The following KRT12 variants were observed in gnomAD, a reference collection of about 807,000 sequenced individuals.
KRT12 encodes the protein keratin, type I cytoskeletal 12.
Under a neutral mutation model 50.2 loss-of-function variants are expected in KRT12, and 43 were observed. That is an observed-to-expected ratio of 0.86 (90% confidence interval 0.67 to 1.11). The LOEUF is 1.11. Among genes scored for constraint, KRT12 ranks in the 50% least tolerant of loss-of-function variants. The pLI, the probability that KRT12 is intolerant of heterozygous loss-of-function variation, is 0.00. For synonymous variants in KRT12, 257 were observed against 253.6 expected (o/e 1.01, Z -0.13); for missense variants, 588 against 625.6 (o/e 0.94, Z 0.64).
At chr17:40,866,593 C>G in intron 1 of KRT12, 27 bp downstream of exon 1, 2 of 1,597,922 alleles carry the variant, frequency 1.3e-6, no homozygotes, top group Non-Finnish European at 1.7e-6. Flanking sequence ...AAAAAAATTC[C>G]CAAAGCGCCT....
At position 40,863,849 on chromosome 17, in the gene KRT12, G is replaced by A. The variant is rs970668837; in HGVS notation, c.823C>T (p.Arg275Trp). 8 of 1,605,288 alleles carry A rather than the reference G, an allele frequency of 5.0e-6. No homozygotes were observed. Among genetic ancestry groups the A allele is most frequent in the South Asian group, 4.4e-5 (4 of 90,646 alleles). The change falls in exon 4 of 8, where the codon CGG (arginine) becomes TGG (tryptophan). Residue 275 changes from arginine (R) to tryptophan (W), a missense_variant. Arg to Trp is a moderately radical substitution (Grantham distance 101, BLOSUM62 -3). Coordinates refer to ENST00000251643, the MANE Select transcript of KRT12 (RefSeq NM_000223.4). The surrounding 1 kb of genome is among the most constrained non-coding windows in gnomAD (Gnocchi z 4.2). Reference protein sequence around the residue: ...KNHEDELQSFRVGGPGEVSVE... With the variant: ...KNHEDELQSFWVGGPGEVSVE... ...CTGACCTCGCCTGGGCCGCCCACCC[G>A]GAAGCTTTGGAGCTCCTGGGGACAG...
chr17:40,865,809 C>G (rs1906997169), intron 2 of KRT12, among the ~76,000 whole-genome samples: 1 of 152,036 alleles, frequency 6.6e-6, no homozygotes, highest in South Asian at 2.1e-4. Context: ...GCCTGGGTGA[C>G]AGAGCGAGAC....
intron 6 of KRT12, among the ~76,000 whole-genome samples, chr17:40,862,852 A>C (rs1196895906): frequency 1.3e-5 from 2 of 152,166 alleles, no homozygotes; most frequent in African/African-American, 4.8e-5. Flanking sequence ...AAATTGAGTA[A>C]GTGACTTTTA....
rs1343325424 is a variant in KRT12 at position 40,866,866 on chromosome 17, A to G, written c.321T>C (p.Gly107=). 1 of 1,614,062 alleles carries G rather than the reference A, an allele frequency of 6.2e-7. No homozygotes were observed. Among genetic ancestry groups the G allele is most frequent in the Non-Finnish European group, 8.5e-7 (1 of 1,180,004 alleles). ...TGCCCGAGAGAATACCTAGAGAGCCACCTCCTGGGCTGCCCCCAAATCCCA... is the reference window on the plus strand; with the variant it reads ...TGCCCGAGAGAATACCTAGAGAGCCGCCTCCTGGGCTGCCCCCAAATCCCA... ...LGMGFGGSPG[G]GSLGILSGND... Residue 107 remains glycine (G), a synonymous_variant, in exon 1 of 8, where the codon GGT becomes GGC. Coordinates refer to ENST00000251643, the MANE Select transcript of KRT12 (RefSeq NM_000223.4).
intron 1 of KRT12, 37 bp from the exon 2 acceptor site, chr17:40,866,274 C>T (rs2143268196): frequency 6.8e-7 from 1 of 1,465,144 alleles, no homozygotes; most frequent in Admixed American, 1.7e-5. Context: ...GATTGAAGCC[C>T]TAAAAGACTA....
intron 6 of KRT12, 65 bp from the exon 7 acceptor site, chr17:40,862,700 G>C: frequency 8.6e-7 from 1 of 1,162,826 alleles, no homozygotes; most frequent in Non-Finnish European, 1.3e-6. Context: ...GGAAGATCTG[G>C]TCTGAGAAAT....
Position 40,863,628 on chromosome 17 carries a change from G to C in KRT12, c.970-18C>G. ...TCCCCGCTCTGCAACAGCAAAGACAGCCAGGGGGCTCGAGCGCTGAGCTCG... is the reference window on the plus strand; with the variant it reads ...TCCCCGCTCTGCAACAGCAAAGACACCCAGGGGGCTCGAGCGCTGAGCTCG... On this transcript the variant is annotated intron_variant, in intron 4 of 7. Coordinates refer to ENST00000251643, the MANE Select transcript of KRT12 (RefSeq NM_000223.4). This position sits in a 1 kb window ranked among gnomAD's most constrained non-coding sequence, Gnocchi z 4.2. The C allele has an allele frequency of 6.2e-7, 1 of 1,614,234 alleles. No homozygotes were observed. Among genetic ancestry groups the C allele is most frequent in the Non-Finnish European group, 8.5e-7 (1 of 1,180,050 alleles).
Position 40,863,367 on chromosome 17 carries a change from T to C in KRT12, c.1096-24A>G. 6.2e-7 allele frequency: 1 copy of C among 1,613,372 alleles called. No homozygotes were observed. Among genetic ancestry groups the C allele is most frequent in the South Asian group, 1.1e-5 (1 of 91,020 alleles). On this transcript the variant is annotated intron_variant, in intron 5 of 7. Transcript: ENST00000251643. This position sits in a 1 kb window ranked among gnomAD's most constrained non-coding sequence, Gnocchi z 4.2. Reference sequence around the variant, plus strand: ...TTCTGCACGTGGGAGGGAAATGGCATAGAAATAACGATGGAGGGGACCGAA... The same window carrying C: ...TTCTGCACGTGGGAGGGAAATGGCACAGAAATAACGATGGAGGGGACCGAA...
At position 40,866,617 on chromosome 17, in the gene KRT12, T is replaced by G; in HGVS notation, c.567+3A>C. 2 of 1,613,282 alleles carry G rather than the reference T, an allele frequency of 1.2e-6. No homozygotes were observed. The highest frequency in any genetic ancestry group is 1.7e-6 in the Non-Finnish European group (2 of 1,179,284). Reference sequence around the variant, plus strand: ...CCCAAAGCGCCTCCAAAAGAGATCTTACCTTATTCCTGAGGTCTTCAATCA... The same window carrying G: ...CCCAAAGCGCCTCCAAAAGAGATCTGACCTTATTCCTGAGGTCTTCAATCA... On this transcript the variant is annotated splice_donor_region_variant and intron_variant, in intron 1 of 7. Transcript: ENST00000251643.
In KRT12 at chr17:40,863,191, C is replaced by T. The variant is rs768827325; in HGVS notation, c.1248G>A (p.Leu416=). 2.2e-5 allele frequency: 36 copies of T among 1,614,016 alleles called. No homozygotes were observed. The highest frequency in any genetic ancestry group is 2.1e-5 in the Non-Finnish European group (25 of 1,180,048). ...ERQNVDHQRL[L]NVKARLELEI... is the part of the protein sequence containing the mutation. ...CCAGCTCCAGGCGGGCCTTGACATT[C>T]AGCAGCCGCTGGTGGTCCACGTTCT... is the stretch of plus-strand genomic sequence containing the variant. Residue 416 remains leucine, a synonymous_variant, in exon 6 of 8, where the codon CTG becomes CTA. Transcript: ENST00000251643. This position sits in a 1 kb window ranked among gnomAD's most constrained non-coding sequence, Gnocchi z 4.2.
rs566739453 is a variant in KRT12, at chr17:40,864,594, A to C, written c.807+212T>G. 3.9e-5 allele frequency among the ~76,000 whole-genome samples: 6 copies of C among 152,170 alleles called. No homozygotes were observed. The East Asian group carries it at 1.2e-3, about 29-fold the overall frequency. ...TGCCTCAAATTTGTTGAGCCTTAGC[A>C]GGAACCACCATCACTACTACCAACA... is the stretch of plus-strand genomic sequence containing the variant. On this transcript the variant is annotated intron_variant, in intron 3 of 7. Coordinates refer to ENST00000251643, the MANE Select transcript of KRT12 (RefSeq NM_000223.4).
chr17:40,863,636 G>T lies in KRT12; in HGVS notation c.970-26C>A, dbSNP rs1906890523. ...CTGCAACAGCAAAGACAGCCAGGGGGCTCGAGCGCTGAGCTCGTTCGCAGG... is the reference window on the plus strand; with the variant it reads ...CTGCAACAGCAAAGACAGCCAGGGGTCTCGAGCGCTGAGCTCGTTCGCAGG... On this transcript the variant is annotated intron_variant, in intron 4 of 7. Transcript: ENST00000251643. The surrounding 1 kb of genome is among the most constrained non-coding windows in gnomAD (Gnocchi z 4.2). 6.2e-7 allele frequency: 1 copy of T among 1,614,216 alleles called. No homozygotes were observed.
chr17:40,863,593 C>T lies in KRT12; in HGVS notation c.987G>A (p.Lys329=), dbSNP rs1906888539. 4.3e-6 allele frequency: 7 copies of T among 1,614,252 alleles called. No individual in the cohort carries two copies. The highest frequency in any genetic ancestry group is 5.9e-6 in the Non-Finnish European group (7 of 1,180,048). The part of the protein sequence containing the change: ...WFIEKSGELR[K]EISTNTEQLQ... ...GCTGCTCGGTGTTGGTGCTAATCTC[C>T]TTACGGAGCTCCCCGCTCTGCAACA... Residue 329 remains lysine (K), a synonymous_variant, in exon 5 of 8, where the codon AAG becomes AAA. Coordinates refer to ENST00000251643, the MANE Select transcript of KRT12 (RefSeq NM_000223.4). The surrounding 1 kb of genome is among the most constrained non-coding windows in gnomAD (Gnocchi z 4.2).
intron 2 of KRT12, 25 bp from the exon 3 acceptor site, chr17:40,864,987 G>A (rs1906966235): frequency 6.2e-7 from 1 of 1,614,020 alleles, no homozygotes; most frequent in Non-Finnish European, 8.5e-7. Flanking sequence ...CAAAGCAGTT[G>A]AGGGAATCAA....
In KRT12 at chr17:40,861,751, G is replaced by A. The variant is rs564506411; in HGVS notation, c.1395C>T (p.Thr465=). ...AQSTDSSKDP[T]KTRKIKTVVQ... is the part of the protein sequence containing the mutation. ...CAACTGTCTTGATTTTTCGGGTTTT[G>A]GTTGGGTCTAAAGATAAAAATGGAA... Residue 465 remains threonine, a synonymous_variant, in exon 8 of 8, where the codon ACC becomes ACT. Coordinates refer to ENST00000251643, the MANE Select transcript of KRT12 (RefSeq NM_000223.4). 1.5e-4 allele frequency: 244 copies of A among 1,610,972 alleles called. 6 individuals carry two copies. The South Asian group carries it at 1.5e-3, about 10-fold the overall frequency.
Position 40,863,798 on chromosome 17 carries a change from C to T in KRT12, c.874G>A (p.Val292Met). 1 of 1,612,586 alleles carries T rather than the reference C, an allele frequency of 6.2e-7. No individual in the cohort carries two copies. The highest frequency in any genetic ancestry group is 1.1e-5 in the South Asian group (1 of 91,024). Residue 292 changes from valine (V) to methionine (M), a missense_variant, in exon 4 of 8, where the codon GTG (valine) becomes ATG (methionine). Physicochemically the swap from Val to Met is conservative, Grantham distance 21 (BLOSUM62 1). Coordinates refer to ENST00000251643, the MANE Select transcript of KRT12 (RefSeq NM_000223.4). The surrounding 1 kb of genome is among the most constrained non-coding windows in gnomAD (Gnocchi z 4.2). ...TCATTGAGGAGCCTGGTGAGGTCCA[C>T]TCCGGGGGCAGCGTCCATTTCTACG... ...VSVEMDAAPG[V>M]DLTRLLNDMR...
At position 40,866,930 on chromosome 17, in the gene KRT12, C is replaced by A; in HGVS notation, c.257G>T (p.Gly86Val). The change falls in exon 1 of 8, where the codon GGG becomes GTG. Residue 86 changes from glycine to valine, a missense_variant. Gly to Val is a moderately radical substitution (Grantham distance 109, BLOSUM62 -3). Coordinates refer to ENST00000251643, the MANE Select transcript of KRT12 (RefSeq NM_000223.4). Reference sequence around the variant, plus strand: ...AAAGCTACCTCCACCCAGGGCTCTCCCATAACCAGCACCCAGTCCTCCTGC... The same window carrying A: ...AAAGCTACCTCCACCCAGGGCTCTCACATAACCAGCACCCAGTCCTCCTGC... ...SMAGGLGAGYGRALGGGSFGG... is the reference protein window; with the variant it reads ...SMAGGLGAGYVRALGGGSFGG... 2 of 1,611,860 alleles carry A rather than the reference C, an allele frequency of 1.2e-6. No individual in the cohort carries two copies. Among genetic ancestry groups the A allele is most frequent in the Non-Finnish European group, 1.7e-6 (2 of 1,178,964 alleles).
Position 40,861,773 on chromosome 17 carries a change from G to A in KRT12, c.1388-15C>T, listed in dbSNP as rs375955578. On this transcript the variant is annotated splice_polypyrimidine_tract_variant and intron_variant, in intron 7 of 7. Transcript: ENST00000251643. ...TTTGGTTGGGTCTAAAGATAAAAAT[G>A]GAATAAGGGGGCAAGAGTTAGTGTT... 67 of 1,506,604 alleles carry A rather than the reference G, an allele frequency of 4.4e-5. No homozygotes were observed. Among genetic ancestry groups the A allele is most frequent in the Non-Finnish European group, 5.9e-5 (64 of 1,082,102 alleles). The allele number at this position is 1,506,604 out of a possible 1,614,324, so 93.3% of individuals were successfully genotyped here.
At position 40,863,735 on chromosome 17, in the gene KRT12, G is replaced by T. The variant is rs1408461417; in HGVS notation, c.937C>A (p.Arg313=). Reference sequence around the variant, plus strand: ...ATGAACCAGGCTTCAGCGTCCTTCCGATTCTGCTCAGCGATGGTTTCATAC... The same window carrying T: ...ATGAACCAGGCTTCAGCGTCCTTCCTATTCTGCTCAGCGATGGTTTCATAC... The part of the protein sequence containing the change: ...AQYETIAEQN[R]KDAEAWFIEK... The change falls in exon 4 of 8, where the codon CGG becomes AGG. Residue 313 remains arginine, a synonymous_variant. Transcript: ENST00000251643. This position sits in a 1 kb window ranked among gnomAD's most constrained non-coding sequence, Gnocchi z 4.2. 2 of 1,613,628 alleles carry T rather than the reference G, an allele frequency of 1.2e-6. No homozygotes were observed. The highest frequency in any genetic ancestry group is 1.3e-5 in the African/African-American group (1 of 74,904).
Sources: gnomAD v4.1 joint callset for allele counts (sites outside exome capture counted in the v4.1 genomes callset) on GRCh38, gnomAD v4.1.1 for gene constraint, Gnocchi (gnomAD v3.1) non-coding constraint, MANE v1.5 for transcripts, NCBI Gene and HGNC (gene_info 2026-07-23, HGNC 2026-07-21) for gene names.